Variants in FAXC observed in about 807,000 individuals in gnomAD.
FAXC encodes the protein failed axon connections homolog, metaxin like GST domain containing.
A neutral mutation model predicts 41.9 loss-of-function variants in FAXC; 10 were observed. That is an observed-to-expected ratio of 0.24 (90% CI 0.15 to 0.41). The LOEUF (loss-of-function observed/expected upper bound fraction) is 0.41. Ranked by LOEUF, FAXC falls within the 10% of genes least tolerant of loss-of-function variation. The pLI is 1.00. For missense variants in FAXC, 399 were observed against 510.9 expected (o/e 0.78, Z 2.11); for synonymous variants, 183 against 183.8 (o/e 1.00, Z 0.03).
chr6:99,313,262 C>T (rs553218572), intron 4 of FAXC, among the ~76,000 whole-genome samples: 1 of 152,348 alleles, frequency 6.6e-6, no homozygotes, highest in African/African-American at 2.4e-5. Flanking sequence ...CACTGCACTA[C>T]AGCCTGGGCA....
rs969855829 is a variant in FAXC at position 99,278,744 on chromosome 6, A to G, written c.*2420T>C. 3 of 152,226 alleles carry G rather than the reference A, an allele frequency of 2.0e-5. No homozygotes were observed. Among genetic ancestry groups the G allele is most frequent in the Non-Finnish European group, 4.4e-5 (3 of 68,046 alleles). The allele number at this position is 152,226 out of a possible 1,614,324, so 9.4% of individuals were successfully genotyped here. A position where few individuals can be genotyped will look rare whatever the true frequency, so the allele number is the denominator to read the frequency against. ...ATGCCCAGTTATATGCTGTCAGGCAATTGCCCAAGACTCCAGATAGCAATG... is the reference window on the plus strand; with the variant it reads ...ATGCCCAGTTATATGCTGTCAGGCAGTTGCCCAAGACTCCAGATAGCAATG... On this transcript the variant is annotated 3_prime_UTR_variant, in exon 6 of 6. Coordinates refer to ENST00000389677, the MANE Select transcript of FAXC (RefSeq NM_032511.4).
Position 99,333,416 on chromosome 6 carries a change from G to C in FAXC, c.534C>G (p.Asn178Lys). Residue 178 changes from asparagine (N) to lysine (K), a missense_variant, in exon 3 of 6, where the codon AAC (asparagine) becomes AAG (lysine). By Grantham distance (94) the Asn-to-Lys change is moderately conservative (BLOSUM62 0). Transcript: ENST00000389677. The stretch of plus-strand genomic sequence containing the variant: ...AGATGGCTCTTTCATGAGGGCCAAG[G>C]TTTTTGTTTAAATTCACTCCAAGCT... ...EEKLGVNLNKNLGPHERAISR... is the reference protein window; with the variant it reads ...EEKLGVNLNKKLGPHERAISR... 6.2e-7 allele frequency: 1 copy of C among 1,614,078 alleles called. No homozygotes were observed. Among genetic ancestry groups the C allele is most frequent in the Non-Finnish European group, 8.5e-7 (1 of 1,180,004 alleles).
intron 4 of FAXC, among the ~76,000 whole-genome samples, chr6:99,296,773 C>T (rs1771514569): frequency 6.6e-6 from 1 of 152,102 alleles, no homozygotes. Flanking sequence ...GACCATGCAG[C>T]CAGAGGGAGG....
chr6:99,330,895 G>A (rs1773004012), intron 3 of FAXC, among the ~76,000 whole-genome samples: 2 of 152,186 alleles, frequency 1.3e-5, no homozygotes, highest in Admixed American at 6.5e-5. Context: ...AGGATGGGAG[G>A]TGCCTGAGGG....
rs1239336879 is a variant in FAXC at position 99,273,971 on chromosome 6, A to G, written c.*7193T>C. On this transcript the variant is annotated 3_prime_UTR_variant, in exon 6 of 6. Coordinates refer to ENST00000389677, the MANE Select transcript of FAXC (RefSeq NM_032511.4). ...GGTGAATAAACATAAACGTTTGGAGACCACTGCCTAAATAGGGATGGACGA... is the reference window on the plus strand; with the variant it reads ...GGTGAATAAACATAAACGTTTGGAGGCCACTGCCTAAATAGGGATGGACGA... The G allele has an allele frequency of 3.3e-5, 5 of 152,150 alleles. No homozygotes were observed. The highest frequency in any genetic ancestry group is 1.2e-4 in the African/African-American group (5 of 41,424). The allele number at this position is 152,150 out of a possible 1,614,324, so 9.4% of individuals were successfully genotyped here.
At chr6:99,323,177 T>G (rs1175156760) in intron 4 of FAXC, among the ~76,000 whole-genome samples, 3 of 152,212 alleles carry the variant, frequency 2.0e-5, no homozygotes, top group African/African-American at 7.2e-5. Flanking sequence ...CAGCATCACT[T>G]GCAGCCAGGT....
At chr6:99,324,197 TA>T (rs11374266) in intron 3 of FAXC, among the ~76,000 whole-genome samples, 2 of 148,214 alleles carry the variant, frequency 1.3e-5, no homozygotes, top group Non-Finnish European at 1.5e-5. Flanking sequence ...ATAAAAGAGT[TA>T]AAAAAAAAAA....
intron 5 of FAXC, among the ~76,000 whole-genome samples, chr6:99,289,717 G>A (rs62423983): frequency 0.056 from 6,949 of 124,958 alleles, 189 homozygotes; most frequent in Non-Finnish European, 0.068. Context: ...GTGTGTGTGT[G>A]TGTATATATA....
intron 3 of FAXC, among the ~76,000 whole-genome samples, chr6:99,327,102 T>A (rs1405923891): frequency 6.6e-6 from 1 of 152,186 alleles, no homozygotes; most frequent in Admixed American, 6.5e-5. Flanking sequence ...CTCTTCTCCT[T>A]CTATCTTGCC....
At chr6:99,309,136 T>C (rs967216766) in intron 4 of FAXC, among the ~76,000 whole-genome samples, 2 of 152,132 alleles carry the variant, frequency 1.3e-5, no homozygotes, top group Non-Finnish European at 2.9e-5. Flanking sequence ...CTCTAACACA[T>C]AAACACACAT....
At chr6:99,288,757 C>T (rs1160384832) in intron 5 of FAXC, among the ~76,000 whole-genome samples, 3 of 152,112 alleles carry the variant, frequency 2.0e-5, no homozygotes, top group African/African-American at 4.8e-5. Context: ...GATAATGTAT[C>T]TGGAGCTCTG....
intron 5 of FAXC, among the ~76,000 whole-genome samples, chr6:99,289,680 CATATGT>C (rs1294518151): frequency 1.9e-4 from 19 of 102,356 alleles, no homozygotes; most frequent in Non-Finnish European, 3.0e-4. Context: ...TGTAAATGTA[CATATGT>C]ATATGTGTGT....
intron 1 of FAXC, 27 bp downstream of exon 1, chr6:99,349,080 C>G: frequency 1.2e-6 from 2 of 1,610,020 alleles, no homozygotes; most frequent in South Asian, 1.1e-5. Flanking sequence ...CTCTGCGCCC[C>G]TGTGCGGGGC....
chr6:99,319,443 C>T (rs1019852109), intron 4 of FAXC, among the ~76,000 whole-genome samples: 1 of 151,538 alleles, frequency 6.6e-6, no homozygotes, highest in African/African-American at 2.4e-5. Flanking sequence ...CAACTGTCAG[C>T]TCTCACAGCA....
chr6:99,278,580 T>A lies in FAXC; in HGVS notation c.*2584A>T, dbSNP rs1770712059. On this transcript the variant is annotated 3_prime_UTR_variant, in exon 6 of 6. Transcript: ENST00000389677. ...CTGGGTAGCTTAAGAATGAAGCACA[T>A]AAAATTAAATCCTTCCGGATAAAGA... 6.6e-6 allele frequency: 1 copy of A among 152,208 alleles called. No individual in the cohort carries two copies. Among genetic ancestry groups the A allele is most frequent in the African/African-American group, 2.4e-5 (1 of 41,456 alleles). 9.4% of individuals were successfully genotyped at this position (152,208 alleles called of 1,614,324 possible). A position where few individuals can be genotyped will look rare whatever the true frequency, so the allele number is the denominator to read the frequency against.
In FAXC at chr6:99,273,347, G is replaced by A. The variant is rs1411717346; in HGVS notation, c.*7817C>T. ...AAGATTATAAACAAATAGAAAAAAA[G>A]ACATGTAATCAGTGAGATGATGAAT... On this transcript the variant is annotated 3_prime_UTR_variant, in exon 6 of 6. Transcript: ENST00000389677. 6.6e-6 allele frequency: 1 copy of A among 151,738 alleles called. No homozygotes were observed. Among genetic ancestry groups the A allele is most frequent in the African/African-American group, 2.4e-5 (1 of 41,236 alleles). 9.4% of individuals were successfully genotyped at this position (151,738 alleles called of 1,614,324 possible).
At chr6:99,326,032 C>A (rs9389252) in intron 3 of FAXC, among the ~76,000 whole-genome samples, 1 of 152,128 alleles carries the variant, frequency 6.6e-6, no homozygotes, top group Non-Finnish European at 1.5e-5. Flanking sequence ...GTAAGGGGCA[C>A]GTGGGTACAG....
At position 99,333,538 on chromosome 6, in the gene FAXC, C is replaced by T. The variant is rs921900079; in HGVS notation, c.412G>A (p.Gly138Ser). ...MADLPYQNYF[G>S]GKLSAQGKMP... ...TTCCCTTGAGCAGAGAGTTTTCCACCAAAATAGTTCTAAGCAGAGTACATT... is the reference window on the plus strand; with the variant it reads ...TTCCCTTGAGCAGAGAGTTTTCCACTAAAATAGTTCTAAGCAGAGTACATT... The change falls in exon 3 of 6, where the codon GGT (glycine) becomes AGT (serine). Residue 138 changes from glycine (G) to serine (S), a missense_variant. By Grantham distance (56) the Gly-to-Ser change is moderately conservative. Transcript: ENST00000389677. 1.9e-6 allele frequency: 3 copies of T among 1,607,570 alleles called. No individual in the cohort carries two copies. Among genetic ancestry groups the T allele is most frequent in the African/African-American group, 1.3e-5 (1 of 74,480 alleles).
chr6:99,287,801 T>C (rs1172792979), intron 5 of FAXC, among the ~76,000 whole-genome samples: 4 of 151,594 alleles, frequency 2.6e-5, no homozygotes, highest in Admixed American at 2.0e-4. Context: ...GGGAAAGAGG[T>C]TGAGAGCAAA....
Sources: gnomAD v4.1 joint callset for allele counts (sites outside exome capture counted in the v4.1 genomes callset) on GRCh38, gnomAD v4.1.1 for gene constraint, MANE v1.5 for transcripts, NCBI Gene and HGNC (gene_info 2026-07-23, HGNC 2026-07-21) for gene names.